Variants in ADH1C observed in about 807,000 individuals in gnomAD.
ADH1C encodes alcohol dehydrogenase 1C.
A neutral mutation model predicts 35.0 loss-of-function variants in ADH1C; 26 were observed. The ratio of observed to expected loss-of-function variants is 0.74; its 90% CI spans 0.54 to 1.03. The LOEUF (loss-of-function observed/expected upper bound fraction) is 1.03, where lower values mean the gene tolerates loss of function less well. Among genes scored for constraint, ADH1C ranks in the 50% least tolerant of loss-of-function variants. The pLI, the probability that ADH1C is intolerant of heterozygous loss-of-function variation, is 0.00. For synonymous variants in ADH1C, 170 were observed against 169.3 expected, an observed-to-expected ratio of 1.00 and a Z score of -0.03; for missense variants, 413 against 465.4, an observed-to-expected ratio of 0.89 and a Z score of 1.04.
intron 5 of ADH1C, 78 bp downstream of exon 5, chr4:99,344,784 T>C (rs1734489728): frequency 6.4e-7 from 1 of 1,564,080 alleles, no homozygotes; most frequent in African/African-American, 1.4e-5. Flanking sequence ...TAATTTCTGA[T>C]TCTTGCAAGA....
chr4:99,337,675 TA>T (rs558933150), intron 8 of ADH1C, among the ~76,000 whole-genome samples: 3 of 151,962 alleles, frequency 2.0e-5, no homozygotes, highest in South Asian at 2.1e-4. Flanking sequence ...AAGAAGCCGC[TA>T]AAAAAAATCT....
At chr4:99,338,766 A>G (rs1734345289) in intron 8 of ADH1C, among the ~76,000 whole-genome samples, 1 of 150,414 alleles carries the variant, frequency 6.6e-6, no homozygotes, top group African/African-American at 2.4e-5. Flanking sequence ...TCAAAGAAAC[A>G]CTATTTGAAG....
intron 7 of ADH1C, among the ~76,000 whole-genome samples, chr4:99,340,272 GGCA>G (rs1472132779): frequency 6.6e-6 from 1 of 152,010 alleles, no homozygotes; most frequent in Admixed American, 6.6e-5. Context: ...AAATTAGCTG[GGCA>G]CAGTGGTGCA....
chr4:99,347,962 G>T, intron 1 of ADH1C, 116 bp from the exon 2 acceptor site: 1 of 1,176,894 alleles, frequency 8.5e-7, no homozygotes, highest in Admixed American at 2.1e-5. Flanking sequence ...CCTAACAAGT[G>T]TTGCATAGAA....
In ADH1C at chr4:99,339,573, C is replaced by T. The variant is rs538835891; in HGVS notation, c.1103+4G>A. ...GCAAAACAAAAAAACAACTTAAAAT[C>T]TACCTCTTTCCAGAGCGAAGCAGGT... On this transcript the variant is annotated splice_donor_region_variant and intron_variant, in intron 8 of 8. Coordinates refer to ENST00000515683, the MANE Select transcript of ADH1C (RefSeq NM_000669.5). 27 of 1,482,878 alleles carry T rather than the reference C, an allele frequency of 1.8e-5. No homozygotes were observed. The African/African-American group carries it at 3.5e-4, about 19-fold the overall frequency. 91.9% of individuals were successfully genotyped at this position (1,482,878 alleles called of 1,614,324 possible).
chr4:99,345,397 C>A, intron 3 of ADH1C, 131 bp from the exon 4 acceptor site: 1 of 978,730 alleles, frequency 1.0e-6, no homozygotes, highest in Non-Finnish European at 1.5e-6. Flanking sequence ...CTAGTCACAA[C>A]TATGTCATTT....
chr4:99,342,011 A>C (rs75368692), intron 6 of ADH1C, among the ~76,000 whole-genome samples: 5 of 3,950 alleles, frequency 1.3e-3, no homozygotes, highest in Admixed American at 6.8e-3. Flanking sequence ...ACCCTGTCTC[A>C]AAAAAAAAAA....
At chr4:99,352,265 G>T (rs189112940) in intron 1 of ADH1C, among the ~76,000 whole-genome samples, 3 of 152,212 alleles carry the variant, frequency 2.0e-5, no homozygotes, top group African/African-American at 4.8e-5. Context: ...TTTAAATTAT[G>T]CTTTCTTAAT....
chr4:99,341,135 A>G (rs1194485806), intron 6 of ADH1C, among the ~76,000 whole-genome samples: 1 of 152,234 alleles, frequency 6.6e-6, no homozygotes, highest in African/African-American at 2.4e-5. Context: ...AAATGAGTAT[A>G]TCACCAAAAT....
chr4:99,350,098 A>G (rs1275799157), intron 1 of ADH1C, among the ~76,000 whole-genome samples: 1 of 152,198 alleles, frequency 6.6e-6, no homozygotes, highest in Non-Finnish European at 1.5e-5. Flanking sequence ...CATTTGTCAA[A>G]TCCTTCAACT....
At position 99,345,188 on chromosome 4, in the gene ADH1C, A is replaced by C. The variant is rs1437523449; in HGVS notation, c.338T>G (p.Leu113Trp). ...AGCATCAGAAACTTACTCATTTTTC[A>C]AGCAGTAGTTGCTTTCTGGGTTTTT... Reference protein sequence around the residue: ...ICKNPESNYCLKNDLGNPRGT... With the variant: ...ICKNPESNYCWKNDLGNPRGT... Residue 113 changes from leucine (L) to tryptophan (W), a missense_variant, in exon 4 of 9, where the codon TTG (leucine) becomes TGG (tryptophan). Coordinates refer to ENST00000515683, the MANE Select transcript of ADH1C (RefSeq NM_000669.5). 1.2e-6 allele frequency: 2 copies of C among 1,613,878 alleles called. No individual in the cohort carries two copies. The highest frequency in any genetic ancestry group is 2.2e-5 in the South Asian group (2 of 91,060).
In ADH1C at chr4:99,347,089, A is replaced by G. The variant is rs1579533812; in HGVS notation, c.176T>C (p.Val59Ala). 6.2e-7 allele frequency: 1 copy of G among 1,614,138 alleles called. No individual in the cohort carries two copies. Among genetic ancestry groups the G allele is most frequent in the Non-Finnish European group, 8.5e-7 (1 of 1,180,006 alleles). ...SDEHVVSGNL[V>A]TPLPVILGHE... is the part of the protein sequence containing the mutation. Reference sequence around the variant, plus strand: ...GCCTAAAATCACAGGAAGGGGGGTCACCAGGTTGCCACTAACCACATGCTC... The same window carrying G: ...GCCTAAAATCACAGGAAGGGGGGTCGCCAGGTTGCCACTAACCACATGCTC... The change falls in exon 3 of 9, where the codon GTG (valine) becomes GCG (alanine). Residue 59 changes from valine to alanine, a missense_variant. By Grantham distance (64) the Val-to-Ala change is moderately conservative (BLOSUM62 0). Transcript: ENST00000515683.
At position 99,343,571 on chromosome 4, in the gene ADH1C, A is replaced by G. The variant is rs1487370204; in HGVS notation, c.568-516T>C. 2.6e-5 allele frequency among the ~76,000 whole-genome samples: 4 copies of G among 152,248 alleles called. 1 individual carries two copies. Among genetic ancestry groups the G allele is most frequent in the African/African-American group, 9.6e-5 (4 of 41,460 alleles). On this transcript the variant is annotated intron_variant, in intron 5 of 8. Coordinates refer to ENST00000515683, the MANE Select transcript of ADH1C (RefSeq NM_000669.5). The stretch of plus-strand genomic sequence containing the variant: ...GAAAAATATTCCACTTTAACTCTCA[A>G]TAATTAACTCCTTTCTTCATTTTTG...
At chr4:99,344,787 T>C in intron 5 of ADH1C, 75 bp downstream of exon 5, 1 of 1,567,324 alleles carries the variant, frequency 6.4e-7, no homozygotes, top group Non-Finnish European at 8.7e-7. Flanking sequence ...TTTCTGATTC[T>C]TGCAAGAAAT....
At chr4:99,343,123 G>A in intron 5 of ADH1C, 68 bp from the exon 6 acceptor site, 2 of 1,572,816 alleles carry the variant, frequency 1.3e-6, no homozygotes, top group Non-Finnish European at 1.7e-6. Context: ...GCTTTATAAA[G>A]TGCCATGTCT....
intron 1 of ADH1C, among the ~76,000 whole-genome samples, chr4:99,352,045 T>TTG (rs1734690097): frequency 6.6e-6 from 1 of 152,220 alleles, no homozygotes; most frequent in South Asian, 2.1e-4. Context: ...ATTGCCTGAA[T>TTG]TGTGTCATAA....
At chr4:99,344,314 T>C (rs1453224403) in intron 5 of ADH1C, among the ~76,000 whole-genome samples, 3 of 152,206 alleles carry the variant, frequency 2.0e-5, no homozygotes, top group South Asian at 2.1e-4. Flanking sequence ...CAGTGAAATG[T>C]CATAATGAGT....
chr4:99,337,670 G>A (rs1158781619), intron 8 of ADH1C, among the ~76,000 whole-genome samples: 1 of 151,884 alleles, frequency 6.6e-6, no homozygotes, highest in Admixed American at 6.6e-5. Context: ...GACAGAAGAA[G>A]CCGCTAAAAA....
intron 1 of ADH1C, among the ~76,000 whole-genome samples, chr4:99,350,340 G>T (rs1360239256): frequency 2.6e-5 from 4 of 152,124 alleles, no homozygotes; most frequent in Admixed American, 2.0e-4. Context: ...TTCTTTAGTG[G>T]TGGTTTTTGA....
Sources: allele counts gnomAD v4.1 joint callset (sites outside exome capture counted in the v4.1 genomes callset), GRCh38; gene constraint gnomAD v4.1.1; transcripts MANE v1.5; gene names NCBI Gene and HGNC (gene_info 2026-07-23, HGNC 2026-07-21).